The following VPS13C variants were observed in gnomAD, a reference collection of about 807,000 sequenced individuals.
VPS13C encodes the protein intermembrane lipid transfer protein VPS13C.
In VPS13C, 358 loss-of-function variants were observed where a neutral mutation model predicts 456.8. The ratio of observed to expected loss-of-function variants is 0.78; its 90% CI spans 0.72 to 0.86. The LOEUF is 0.86. VPS13C is among the 40% of genes least tolerant of loss of function. VPS13C has a pLI of 0.00. For synonymous variants in VPS13C, 1,578 were observed against 1,486.7 expected, an observed-to-expected ratio of 1.06 and a Z score of -1.41; for missense variants, 4,818 against 4,385.4, an observed-to-expected ratio of 1.10 and a Z score of -2.79.
At chr15:61,933,141 A>G (rs2044116753) in intron 49 of VPS13C, among the ~76,000 whole-genome samples, 2 of 152,224 alleles carry the variant, frequency 1.3e-5, no homozygotes, top group African/African-American at 4.8e-5. Flanking sequence ...AAAACCTGAC[A>G]GTACTCAGCA....
chr15:61,854,702 A>G (rs985381860), intron 84 of VPS13C, 144 bp from the exon 85 acceptor site: 129 of 1,037,358 alleles, frequency 1.2e-4, no homozygotes, highest in Non-Finnish European at 1.6e-4. Flanking sequence ...TGTGTCATAT[A>G]AAAATAAGAC....
chr15:61,930,349 T>C (rs2140220231), intron 50 of VPS13C, among the ~76,000 whole-genome samples: 1 of 152,258 alleles, frequency 6.6e-6, no homozygotes, highest in South Asian at 2.1e-4. Flanking sequence ...GGACAGCTAC[T>C]CCAGACACAA....
At chr15:61,856,441 T>C in intron 82 of VPS13C, 32 bp from the exon 83 acceptor site, 1 of 1,609,364 alleles carries the variant, frequency 6.2e-7, no homozygotes, top group South Asian at 1.1e-5. Context: ...AAACTTACAG[T>C]AAATGATGAA....
At position 61,922,429 on chromosome 15, in the gene VPS13C, G is replaced by C; in HGVS notation, c.6943C>G (p.Leu2315Val). 2 of 1,613,812 alleles carry C rather than the reference G, an allele frequency of 1.2e-6. No individual in the cohort carries two copies. The highest frequency in any genetic ancestry group is 2.2e-5 in the South Asian group (2 of 91,048). Residue 2315 changes from leucine (L) to valine (V), a missense_variant, in exon 54 of 85, where the codon CTA (leucine) becomes GTA (valine). Coordinates refer to ENST00000644861, the MANE Select transcript of VPS13C (RefSeq NM_020821.3). Reference sequence around the variant, plus strand: ...GTCACGTCAGCAACAGCAGCCATTAGAGAAGTCCAATTTTTAATATTTCCT... The same window carrying C: ...GTCACGTCAGCAACAGCAGCCATTACAGAAGTCCAATTTTTAATATTTCCT... ...FSGNIKNWTS[L>V]MAAVADVTLQ...
chr15:61,999,520 T>G (rs909202744), intron 16 of VPS13C, among the ~76,000 whole-genome samples: 2 of 152,176 alleles, frequency 1.3e-5, no homozygotes, highest in East Asian at 1.9e-4. Context: ...TATGAGTAAG[T>G]ACATGGACAT....
chr15:61,903,122 T>A (rs2043051080), intron 66 of VPS13C, among the ~76,000 whole-genome samples: 1 of 151,952 alleles, frequency 6.6e-6, no homozygotes, highest in Non-Finnish European at 1.5e-5. Context: ...CCTCAGGAAT[T>A]TGAGACCAGC....
rs1380602327 is a variant in VPS13C, at chr15:61,914,874, G to GT, written c.8445+758_8445+759insA. 7.1e-3 allele frequency among the ~76,000 whole-genome samples: 536 copies of GT among 75,794 alleles called. 28 individuals carry two copies. The highest frequency in any genetic ancestry group is 0.033 in the East Asian group (72 of 2,156). 49.7% of individuals were successfully genotyped at this position (75,794 alleles called of 152,430 possible). On this transcript the variant is annotated intron_variant, in intron 61 of 84. Transcript: ENST00000644861. ...AGCCACCGAGCCTGGCCAAAACTCT[G>GT]CCTTAAAAAAAAAAAAAAAAAAAAA...
At chr15:62,046,550 A>C (rs1362601255) in intron 1 of VPS13C, among the ~76,000 whole-genome samples, 3 of 152,190 alleles carry the variant, frequency 2.0e-5, no homozygotes, top group African/African-American at 7.2e-5. Flanking sequence ...AAACTAGTTT[A>C]ATAAGATCTA....
chr15:61,854,515 T>G lies in VPS13C; in HGVS notation c.11204A>C (p.Gln3735Pro). ...AIEDAQSTRQQQKLMKQSSVR... is the reference protein window; with the variant it reads ...AIEDAQSTRQPQKLMKQSSVR... ...TGATGACTGCTTCATCAATTTTTGC[T>G]GCTGTCTCGTTGACTGTGCATCCTC... Residue 3735 changes from glutamine to proline, a missense_variant, in exon 85 of 85, where the codon CAG becomes CCG. Physicochemically the swap from Gln to Pro is moderately conservative, Grantham distance 76. This residue lies in a region of VPS13C where 261 missense variants were observed against 234.1 expected (regional missense o/e 1.11). Coordinates refer to ENST00000644861, the MANE Select transcript of VPS13C (RefSeq NM_020821.3). 6.2e-7 allele frequency: 1 copy of G among 1,614,168 alleles called. No individual in the cohort carries two copies. Among genetic ancestry groups the G allele is most frequent in the Non-Finnish European group, 8.5e-7 (1 of 1,180,000 alleles).
intron 50 of VPS13C, among the ~76,000 whole-genome samples, chr15:61,930,452 T>C (rs1033491653): frequency 6.6e-6 from 1 of 152,214 alleles, no homozygotes; most frequent in Non-Finnish European, 1.5e-5. Context: ...GTATCCCATA[T>C]GTATTCAATG....
At chr15:61,933,092 G>A (rs889404622) in intron 49 of VPS13C, among the ~76,000 whole-genome samples, 1 of 152,102 alleles carries the variant, frequency 6.6e-6, no homozygotes, top group African/African-American at 2.4e-5. Context: ...TAAAGCAGCA[G>A]TGAGAAGTGA....
intron 61 of VPS13C, among the ~76,000 whole-genome samples, chr15:61,914,453 T>C (rs1407410594): frequency 6.6e-6 from 1 of 151,718 alleles, no homozygotes; most frequent in Non-Finnish European, 1.5e-5. Flanking sequence ...CCTGTAATCC[T>C]AGCTACTTGG....
chr15:61,883,972 C>T (rs1313249089), intron 68 of VPS13C, among the ~76,000 whole-genome samples, 156 bp downstream of exon 68: 1 of 151,270 alleles, frequency 6.6e-6, no homozygotes, highest in East Asian at 1.9e-4. Context: ...TAACGTGTAT[C>T]ATTAGACACG....
chr15:61,884,077 C>A, intron 68 of VPS13C, 51 bp downstream of exon 68: 2 of 1,520,624 alleles, frequency 1.3e-6, no homozygotes, highest in South Asian at 2.6e-5. Flanking sequence ...CTTACTACCA[C>A]CACCAAGAAA....
chr15:61,920,692 G>T (rs2043626279), intron 55 of VPS13C, 45 bp from the exon 56 acceptor site: 1 of 1,510,870 alleles, frequency 6.6e-7, no homozygotes, highest in African/African-American at 1.4e-5. Flanking sequence ...TTAGCCAGTT[G>T]ATAATAAAAT....
At chr15:62,010,663 A>T (rs984694621) in intron 12 of VPS13C, 64 bp from the exon 13 acceptor site, 47 of 1,421,944 alleles carry the variant, frequency 3.3e-5, no homozygotes, top group Non-Finnish European at 3.9e-5. Context: ...AAGTGTAAAT[A>T]ATTATGAGAA....
chr15:62,004,396 T>G (rs1164738273), intron 15 of VPS13C, among the ~76,000 whole-genome samples: 5 of 152,188 alleles, frequency 3.3e-5, no homozygotes, highest in South Asian at 2.1e-4. Flanking sequence ...TTGCATCTAT[T>G]TGATTCTTCT....
chr15:61,947,672 A>G (rs2044652916), intron 42 of VPS13C, among the ~76,000 whole-genome samples: 1 of 152,104 alleles, frequency 6.6e-6, no homozygotes, highest in Non-Finnish European at 1.5e-5. Flanking sequence ...TCCTTTTCGT[A>G]TCATATATTA....
At chr15:61,938,114 T>A (rs2044288063) in intron 47 of VPS13C, among the ~76,000 whole-genome samples, 1 of 152,134 alleles carries the variant, frequency 6.6e-6, no homozygotes, top group Admixed American at 6.5e-5. Context: ...GACCAGGGAT[T>A]TATGGCTTGT....
Sources: gnomAD v4.1 joint callset for allele counts (sites outside exome capture counted in the v4.1 genomes callset) on GRCh38, gnomAD v4.1.1 for gene constraint, gnomAD v4.1.1 regional missense constraint, MANE v1.5 for transcripts, NCBI Gene and HGNC (gene_info 2026-07-23, HGNC 2026-07-21) for gene names.